ATP10B: variants seen among roughly 807,000 people sequenced by gnomAD.
The protein encoded by ATP10B is phospholipid-transporting ATPase VB.
A neutral mutation model predicts 141.2 loss-of-function variants in ATP10B; 122 were observed. That is an observed-to-expected ratio of 0.86 (90% confidence interval 0.75 to 1.00). The LOEUF (loss-of-function observed/expected upper bound fraction) is 1.00, where lower values mean the gene tolerates loss of function less well. Ranked by LOEUF, ATP10B falls within the 50% of genes least tolerant of loss-of-function variation. The pLI, the probability that ATP10B is intolerant of heterozygous loss-of-function variation, is 0.00. For synonymous variants in ATP10B, 685 were observed against 692.0 expected, an observed-to-expected ratio of 0.99 and a Z score of 0.16; for missense variants, 1,876 against 1,825.3, an observed-to-expected ratio of 1.03 and a Z score of -0.51.
intron 3 of ATP10B, among the ~76,000 whole-genome samples, chr5:160,695,485 AGTGAGTGT>A (rs1289889162): frequency 1.6e-5 from 1 of 61,338 alleles, no homozygotes; most frequent in Non-Finnish European, 3.1e-5. Flanking sequence ...TATATGCGTG[AGTGAGTGT>A]GTGTGTGTGT....
rs536521068 is a variant in ATP10B at position 160,825,206 on chromosome 5, G to C, written c.-576+26735C>G. Among the ~76,000 whole-genome samples, 14 of 152,254 alleles carry C rather than the reference G, an allele frequency of 9.2e-5. No homozygotes were observed. The South Asian group carries it at 2.9e-3, about 32-fold the overall frequency. On this transcript the variant is annotated intron_variant, in intron 1 of 25. Coordinates refer to ENST00000327245, the MANE Select transcript of ATP10B (RefSeq NM_025153.3). The stretch of plus-strand genomic sequence containing the variant: ...AGCACATGTCTCGCATGTAATAGTT[G>C]CTCAGCAAATACTTGTTGAATATGA...
At chr5:160,838,016 C>A (rs1396520900) in intron 1 of ATP10B, among the ~76,000 whole-genome samples, 1 of 152,106 alleles carries the variant, frequency 6.6e-6, no homozygotes, top group Admixed American at 6.6e-5. Flanking sequence ...TAAACTTTTG[C>A]CAGAATTAAA....
chr5:160,775,379 TCTTTG>T (rs1475215577), intron 2 of ATP10B, among the ~76,000 whole-genome samples: 2 of 152,210 alleles, frequency 1.3e-5, no homozygotes, highest in Non-Finnish European at 2.9e-5. Context: ...GTGCCTGCTT[TCTTTG>T]CTTTGTTTTC....
At chr5:160,739,650 A>G (rs967906279) in intron 2 of ATP10B, among the ~76,000 whole-genome samples, 1 of 152,202 alleles carries the variant, frequency 6.6e-6, no homozygotes, top group African/African-American at 2.4e-5. Context: ...ACTCACAGAG[A>G]CCGTGCCCTG....
chr5:160,908,484 A>T, the ATP10B span, among the ~76,000 whole-genome samples: 1 of 152,190 alleles, frequency 6.6e-6, no homozygotes, highest in Admixed American at 6.5e-5. Context: ...CAGAATCCAA[A>T]TGTTTATGTT....
In ATP10B at chr5:160,622,542, C is replaced by T. The variant is rs199664357; in HGVS notation, c.1664G>A (p.Arg555Gln). The change falls in exon 14 of 26, where the codon CGA becomes CAA. Residue 555 changes from arginine to glutamine, a missense_variant. Coordinates refer to ENST00000327245, the MANE Select transcript of ATP10B (RefSeq NM_025153.3). ...TPDKNLLTKV[R>Q]DAALWLETLS... ...GGTCTCCAACCACAGGGCAGCATCT[C>T]GAACCTTGGTCAGTAGGTTTTTATC... 3.5e-4 allele frequency: 568 copies of T among 1,613,792 alleles called. 2 individuals are homozygous for T. The African/African-American group carries it at 6.3e-3, about 18-fold the overall frequency.
chr5:160,907,008 A>C, the ATP10B span, among the ~76,000 whole-genome samples: 2 of 151,876 alleles, frequency 1.3e-5, no homozygotes. Flanking sequence ...CTCAGGCTCC[A>C]CTCCCTCCTA....
At position 160,640,137 on chromosome 5, in the gene ATP10B, A is replaced by C. The variant is rs116149265; in HGVS notation, c.1000+324T>G. 3.8e-3 allele frequency among the ~76,000 whole-genome samples: 574 copies of C among 152,346 alleles called. 6 individuals are homozygous for C. Among genetic ancestry groups the C allele is most frequent in the African/African-American group, 0.012 (515 of 41,586 alleles). ...AACAGAATAAATTTGTGTTGTTCTAAATGACTGTGTGTTCATGTTTTACAG... is the reference window on the plus strand; with the variant it reads ...AACAGAATAAATTTGTGTTGTTCTACATGACTGTGTGTTCATGTTTTACAG... On this transcript the variant is annotated intron_variant, in intron 10 of 25. Transcript: ENST00000327245.
chr5:160,780,659 C>T (rs533052196), intron 2 of ATP10B, among the ~76,000 whole-genome samples: 1 of 152,166 alleles, frequency 6.6e-6, no homozygotes, highest in African/African-American at 2.4e-5. Context: ...GAAACTTTTC[C>T]TACTCACCCA....
At chr5:160,882,118 AG>A in the ATP10B span, among the ~76,000 whole-genome samples, 2 of 152,226 alleles carry the variant, frequency 1.3e-5, no homozygotes, top group African/African-American at 4.8e-5. Context: ...AGGAATGAAC[AG>A]GTAGGCCACA....
chr5:160,630,765 A>G (rs1758875337), intron 13 of ATP10B, among the ~76,000 whole-genome samples: 1 of 152,184 alleles, frequency 6.6e-6, no homozygotes, highest in African/African-American at 2.4e-5. Flanking sequence ...TATGAAGGTC[A>G]TATGTCTTAA....
chr5:160,856,288 C>T (rs963589760), upstream of ATP10B, among the ~76,000 whole-genome samples: 1 of 151,720 alleles, frequency 6.6e-6, no homozygotes, highest in Non-Finnish European at 1.5e-5. Context: ...GTCCTGTACA[C>T]ATTTTGCTTG....
At chr5:160,612,590 G>T (rs1303967259) in intron 18 of ATP10B, 151 bp downstream of exon 18, 19 of 586,124 alleles carry the variant, frequency 3.2e-5, no homozygotes, top group Middle Eastern at 4.6e-4. Flanking sequence ...ATGACTTCCA[G>T]GGTCCTCTAG....
intron 2 of ATP10B, among the ~76,000 whole-genome samples, chr5:160,756,670 G>A (rs1038131994): frequency 1.3e-4 from 19 of 151,544 alleles, no homozygotes; most frequent in African/African-American, 4.4e-4. Flanking sequence ...TTTTTTTGAT[G>A]TGTCTGTTCA....
intron 6 of ATP10B, chr5:160,685,359 A>C: frequency 3.6e-6 from 2 of 561,276 alleles, no homozygotes; most frequent in South Asian, 2.5e-5. Flanking sequence ...GGGGAGAAAC[A>C]TGACAAGGAA....
At chr5:160,923,633 T>C in the ATP10B span, among the ~76,000 whole-genome samples, 1 of 152,262 alleles carries the variant, frequency 6.6e-6, no homozygotes, top group Non-Finnish European at 1.5e-5. Flanking sequence ...TTTTTCTGAC[T>C]TTACGCACCT....
chr5:160,627,666 C>T (rs993660386), intron 13 of ATP10B, among the ~76,000 whole-genome samples: 3 of 152,108 alleles, frequency 2.0e-5, no homozygotes, highest in East Asian at 1.9e-4. Context: ...AACCATCCAA[C>T]GAATTCTAGC....
the ATP10B span, among the ~76,000 whole-genome samples, chr5:160,861,907 AATG>A: frequency 5.3e-5 from 8 of 152,002 alleles, no homozygotes; most frequent in African/African-American, 1.2e-4. Context: ...GGCATATTTT[AATG>A]ATAAGTAACT....
intron 24 of ATP10B, among the ~76,000 whole-genome samples, chr5:160,574,931 G>C (rs1459959391): frequency 1.3e-5 from 2 of 151,878 alleles, no homozygotes; most frequent in Non-Finnish European, 1.5e-5. Flanking sequence ...AGAGCTATGA[G>C]AAATATATTT....
Sources: allele counts gnomAD v4.1 joint callset (sites outside exome capture counted in the v4.1 genomes callset), GRCh38; gene constraint gnomAD v4.1.1; transcripts MANE v1.5; gene names NCBI Gene and HGNC (gene_info 2026-07-23, HGNC 2026-07-21).